The following CELF2 variants were observed in gnomAD, a reference collection of about 807,000 sequenced individuals.
CELF2 encodes the protein CUGBP Elav-like family member 2.
Under a neutral mutation model 62.6 loss-of-function variants are expected in CELF2, and 8 were observed. That is an observed-to-expected ratio of 0.13 (90% CI 0.07 to 0.23). The LOEUF (loss-of-function observed/expected upper bound fraction) is 0.23, where lower values mean the gene tolerates loss of function less well. Among genes scored for constraint, CELF2 ranks in the 10% least tolerant of loss-of-function variants. The probability of loss-of-function intolerance (pLI) is 1.00; values close to 1 mark genes in which losing one functional copy is unlikely to be tolerated. For missense variants in CELF2, 333 were observed against 671.0 expected (o/e 0.50, Z 5.56); for synonymous variants, 258 against 250.0 (o/e 1.03, Z -0.30).
chr10:11,162,431 A>G (rs559976900), intron 1 of CELF2, among the ~76,000 whole-genome samples: 1 of 152,320 alleles, frequency 6.6e-6, no homozygotes, highest in South Asian at 2.1e-4. Flanking sequence ...TTAGAACTTG[A>G]TGCAAATCTT....
chr10:10,612,281 C>T, the CELF2 span, among the ~76,000 whole-genome samples: 2 of 152,100 alleles, frequency 1.3e-5, no homozygotes, highest in African/African-American at 4.8e-5. Context: ...GTCAATTTCC[C>T]CAGGCACCGG....
chr10:11,103,430 G>A (rs1218039807), intron 1 of CELF2, among the ~76,000 whole-genome samples: 2 of 148,008 alleles, frequency 1.4e-5, no homozygotes, highest in Admixed American at 1.3e-4. Context: ...GCATGGCCTA[G>A]TGCTCTTTTT....
intron 1 of CELF2, among the ~76,000 whole-genome samples, chr10:10,877,095 T>C (rs1241358751): frequency 6.6e-6 from 1 of 152,224 alleles, no homozygotes; most frequent in Non-Finnish European, 1.5e-5. Context: ...GAGCAACTAA[T>C]GTAGACTTGC....
chr10:11,023,814 C>G (rs2058718031), intron 1 of CELF2, among the ~76,000 whole-genome samples: 1 of 152,196 alleles, frequency 6.6e-6, no homozygotes, highest in Non-Finnish European at 1.5e-5. Context: ...TATGAACAGT[C>G]TCTTTTATGA....
chr10:11,277,324 G>A (rs1375694396), intron 8 of CELF2, among the ~76,000 whole-genome samples: 2 of 152,198 alleles, frequency 1.3e-5, no homozygotes, highest in East Asian at 3.8e-4. Context: ...ATGGGCGATA[G>A]AGGTTCCTTC....
chr10:10,917,558 C>T (rs1017033890), intron 1 of CELF2, among the ~76,000 whole-genome samples: 1 of 151,918 alleles, frequency 6.6e-6, no homozygotes, highest in Non-Finnish European at 1.5e-5. Flanking sequence ...CCTGGCTGGC[C>T]TCAAACTCCT....
At chr10:10,696,121 TC>T in the CELF2 span, among the ~76,000 whole-genome samples, 2 of 152,188 alleles carry the variant, frequency 1.3e-5, no homozygotes, top group Non-Finnish European at 2.9e-5. Context: ...TTCTGTTTTT[TC>T]CCCATCTTTG....
In CELF2 at chr10:11,159,962, C is replaced by T. The variant is rs922105948; in HGVS notation, c.75-5524C>T. ...AAGAGATGGGGCTCTCGCAGCACCCCAATTAACCGGCCACTCAGCGGCCTG... is the reference window on the plus strand; with the variant it reads ...AAGAGATGGGGCTCTCGCAGCACCCTAATTAACCGGCCACTCAGCGGCCTG... On this transcript the variant is annotated intron_variant, in intron 1 of 12. Transcript: ENST00000633077. This position sits in a 1 kb window ranked among gnomAD's most constrained non-coding sequence, Gnocchi z 5.0. Among the ~76,000 whole-genome samples, 2 of 152,168 alleles carry T rather than the reference C, an allele frequency of 1.3e-5. No homozygotes were observed. Among genetic ancestry groups the T allele is most frequent in the African/African-American group, 4.8e-5 (2 of 41,434 alleles).
At chr10:10,967,430 A>G (rs535643822) in intron 2 of CELF2, among the ~76,000 whole-genome samples, 1 of 152,224 alleles carries the variant, frequency 6.6e-6, no homozygotes, top group Non-Finnish European at 1.5e-5. Context: ...AGAATTACAG[A>G]CTGTGTTAGT....
chr10:10,678,848 A>C, the CELF2 span, among the ~76,000 whole-genome samples: 1 of 152,224 alleles, frequency 6.6e-6, no homozygotes, highest in Non-Finnish European at 1.5e-5. Context: ...GAAGTCATTT[A>C]ACCTGCACAA....
At chr10:11,147,143 G>A (rs936163181) in intron 1 of CELF2, among the ~76,000 whole-genome samples, 16 of 152,174 alleles carry the variant, frequency 1.1e-4, no homozygotes, top group African/African-American at 3.9e-4. Flanking sequence ...CTCTGCTTGA[G>A]TGTGCCAGGA....
chr10:10,766,544 G>A, the CELF2 span, among the ~76,000 whole-genome samples: 1 of 152,206 alleles, frequency 6.6e-6, no homozygotes, highest in Non-Finnish European at 1.5e-5. Context: ...GGACCCTGGG[G>A]AATGGAGCCA....
rs924107193 is a variant in CELF2, at chr10:10,947,748, CACAT to C, written c.89+27753_89+27756del. ...CAAGGTCATGAGTAGCGTAAGAAGACACATACACACATCTTCACCACAGAAGAAA... is the reference window on the plus strand; with the variant it reads ...CAAGGTCATGAGTAGCGTAAGAAGACACACACATCTTCACCACAGAAGAAA... On this transcript the variant is annotated intron_variant, in intron 2 of 13. Coordinates refer to the CELF2 transcript ENST00000636488. The surrounding 1 kb of genome is among the most constrained non-coding windows in gnomAD (Gnocchi z 4.1). Among the ~76,000 whole-genome samples, 1 of 152,106 alleles carries C rather than the reference CACAT, an allele frequency of 6.6e-6. No individual in the cohort carries two copies. The highest frequency in any genetic ancestry group is 2.4e-5 in the African/African-American group (1 of 41,412).
the CELF2 span, among the ~76,000 whole-genome samples, chr10:10,616,578 A>C: frequency 6.6e-6 from 1 of 151,810 alleles, no homozygotes; most frequent in African/African-American, 2.4e-5. Flanking sequence ...GGCATTATGC[A>C]CTCAAGACAC....
intron 1 of CELF2, among the ~76,000 whole-genome samples, chr10:10,908,809 A>G (rs1370579926): frequency 6.6e-6 from 1 of 152,064 alleles, no homozygotes; most frequent in Non-Finnish European, 1.5e-5. Context: ...TTGTTTTGAG[A>G]TGTAGTCTTG....
In CELF2 at chr10:10,975,722, A is replaced by G. The variant is rs183782332; in HGVS notation, c.89+55723A>G. The stretch of plus-strand genomic sequence containing the variant: ...CATATATGGTGGAAGGCAGATGCTG[A>G]TGATGCAGGACTGTGAGCCCCAAAG... On this transcript the variant is annotated intron_variant, in intron 2 of 13. Coordinates refer to the CELF2 transcript ENST00000636488. 9.0e-4 allele frequency among the ~76,000 whole-genome samples: 137 copies of G among 152,358 alleles called. 1 individual carries two copies. The highest frequency in any genetic ancestry group is 3.1e-3 in the African/African-American group (130 of 41,582).
At chr10:11,158,572 G>A (rs1204051863) in intron 1 of CELF2, among the ~76,000 whole-genome samples, 2 of 151,944 alleles carry the variant, frequency 1.3e-5, no homozygotes, top group Non-Finnish European at 2.9e-5. Flanking sequence ...TCCCAGGGAG[G>A]GTTATTGTCT....
chr10:10,625,951 C>A, the CELF2 span, among the ~76,000 whole-genome samples: 2 of 151,136 alleles, frequency 1.3e-5, no homozygotes, highest in African/African-American at 4.9e-5. Flanking sequence ...AAGTTGTCTG[C>A]GAAAGTCAAA....
chr10:11,139,854 T>A (rs1199336731), intron 1 of CELF2, among the ~76,000 whole-genome samples: 5 of 151,840 alleles, frequency 3.3e-5, no homozygotes, highest in African/African-American at 4.8e-5. Flanking sequence ...TTTTTTTTTT[T>A]ATTCAGCAAA....
Sources: allele counts gnomAD v4.1 joint callset (sites outside exome capture counted in the v4.1 genomes callset), GRCh38; gene constraint gnomAD v4.1.1; non-coding constraint Gnocchi (gnomAD v3.1); transcripts MANE v1.5; gene names NCBI Gene and HGNC (gene_info 2026-07-23, HGNC 2026-07-21).